Variants in BAIAP2L1 observed in about 807,000 individuals in gnomAD.
BAIAP2L1 encodes BAR/IMD domain containing adaptor protein 2 like 1, also known as BAR/IMD domain-containing adapter protein 2-like 1.
A neutral mutation model predicts 66.3 loss-of-function variants in BAIAP2L1; 35 were observed. The ratio of observed to expected loss-of-function variants is 0.53; its 90% confidence interval spans 0.40 to 0.70. The LOEUF is 0.70. Among genes scored for constraint, BAIAP2L1 ranks in the 30% least tolerant of loss-of-function variants. BAIAP2L1 has a pLI of 0.00. For synonymous variants in BAIAP2L1, 269 were observed against 248.7 expected, an observed-to-expected ratio of 1.08 and a Z score of -0.77; for missense variants, 622 against 656.9, an observed-to-expected ratio of 0.95 and a Z score of 0.58.
chr7:98,380,736 G>GTTT, intron 1 of BAIAP2L1, among the ~76,000 whole-genome samples: 1 of 115,192 alleles, frequency 8.7e-6, no homozygotes, highest in Non-Finnish European at 1.7e-5. Flanking sequence ...TATCCGGTCC[G>GTTT]TTTTTTTTTT....
At chr7:98,345,360 AC>A (rs754368189) in intron 3 of BAIAP2L1, among the ~76,000 whole-genome samples, 38 of 152,196 alleles carry the variant, frequency 2.5e-4, no homozygotes, top group Non-Finnish European at 4.9e-4. Flanking sequence ...ATAAAAAAAA[AC>A]ATAATTTAAA....
At chr7:98,361,202 CA>C (rs1802262684) in intron 2 of BAIAP2L1, among the ~76,000 whole-genome samples, 11 of 151,844 alleles carry the variant, frequency 7.2e-5, no homozygotes, top group Admixed American at 7.2e-4. Flanking sequence ...ACTAAAAATA[CA>C]AAAATTAGCT....
chr7:98,308,641 A>C, intron 9 of BAIAP2L1: 13 of 210,394 alleles, frequency 6.2e-5, no homozygotes, highest in South Asian at 1.6e-4. Context: ...TGATATTTCC[A>C]CTCCAGGGGA....
intron 1 of BAIAP2L1, among the ~76,000 whole-genome samples, chr7:98,369,298 C>T (rs997396102): frequency 6.6e-6 from 1 of 152,016 alleles, no homozygotes; most frequent in Non-Finnish European, 1.5e-5. Flanking sequence ...GCCTGGGCAA[C>T]GTGGTGAAAC....
At chr7:98,324,924 T>G (rs1801342572) in intron 3 of BAIAP2L1, among the ~76,000 whole-genome samples, 1 of 152,246 alleles carries the variant, frequency 6.6e-6, no homozygotes, top group African/African-American at 2.4e-5. Context: ...TATCTGATCA[T>G]GGATAATCAG....
At chr7:98,344,137 A>T (rs1439810649) in intron 3 of BAIAP2L1, among the ~76,000 whole-genome samples, 4 of 152,182 alleles carry the variant, frequency 2.6e-5, no homozygotes, top group Non-Finnish European at 5.9e-5. Flanking sequence ...AGATCGCGCC[A>T]CTGGCACTCC....
chr7:98,365,652 G>T (rs1476439729), intron 1 of BAIAP2L1, among the ~76,000 whole-genome samples: 1 of 152,056 alleles, frequency 6.6e-6, no homozygotes, highest in Non-Finnish European at 1.5e-5. Context: ...CTAATTTTTT[G>T]TATTTTTGGT....
intron 1 of BAIAP2L1, among the ~76,000 whole-genome samples, chr7:98,367,319 T>C (rs1461357249): frequency 6.6e-6 from 1 of 152,148 alleles, no homozygotes; most frequent in East Asian, 1.9e-4. Context: ...ACAGACCTTA[T>C]TTGGATTTTC....
At chr7:98,321,432 T>A (rs1322730446) in intron 3 of BAIAP2L1, among the ~76,000 whole-genome samples, 1 of 152,190 alleles carries the variant, frequency 6.6e-6, no homozygotes, top group Non-Finnish European at 1.5e-5. Flanking sequence ...TGCTCAGCCC[T>A]GCCTCTGCTG....
At chr7:98,335,313 TCA>T (rs1801593222) in intron 3 of BAIAP2L1, among the ~76,000 whole-genome samples, 1 of 122,776 alleles carries the variant, frequency 8.1e-6, no homozygotes, top group Non-Finnish European at 2.0e-5. Context: ...ATATTACATA[TCA>T]TACCCTGACA....
rs113263724 is a variant in BAIAP2L1, at chr7:98,378,838, T to G, written c.52-16406A>C. Among the ~76,000 whole-genome samples, 405 of 145,178 alleles carry G rather than the reference T, an allele frequency of 2.8e-3. 2 individuals are homozygous for G. The highest frequency in any genetic ancestry group is 9.7e-3 in the African/African-American group (385 of 39,892). The stretch of plus-strand genomic sequence containing the variant: ...GGAGGCCAAGGCAGAAGGCTCACTC[T>G]TTTTTTTTTTGAGATGGAGTCTCGC... On this transcript the variant is annotated intron_variant, in intron 1 of 13. Coordinates refer to ENST00000005260, the MANE Select transcript of BAIAP2L1 (RefSeq NM_018842.5).
At chr7:98,333,364 G>A (rs1364498344) in intron 3 of BAIAP2L1, among the ~76,000 whole-genome samples, 8 of 151,946 alleles carry the variant, frequency 5.3e-5, no homozygotes, top group Admixed American at 2.0e-4. Flanking sequence ...TTGGGAGGCC[G>A]AGGCAGGCGG....
intron 9 of BAIAP2L1, chr7:98,308,302 C>T (rs1484171960): frequency 2.2e-6 from 1 of 462,570 alleles, no homozygotes; most frequent in East Asian, 6.8e-5. Context: ...AACCCAACTG[C>T]CAATGTCCAC....
chr7:98,343,326 C>T (rs1187908145), intron 3 of BAIAP2L1, among the ~76,000 whole-genome samples: 2 of 151,136 alleles, frequency 1.3e-5, no homozygotes, highest in African/African-American at 2.4e-5. Flanking sequence ...TGGCAGGCGC[C>T]AGTAGTCCCA....
chr7:98,332,077 G>A (rs1801506619), intron 3 of BAIAP2L1, among the ~76,000 whole-genome samples: 1 of 151,892 alleles, frequency 6.6e-6, no homozygotes, highest in Non-Finnish European at 1.5e-5. Context: ...CGGAACTTTG[G>A]ATCTACATAA....
intron 9 of BAIAP2L1, chr7:98,308,341 T>C (rs768018807): frequency 1.3e-5 from 6 of 455,342 alleles, no homozygotes; most frequent in Non-Finnish European, 2.2e-5. Flanking sequence ...GGAAATGCAG[T>C]TGGTCTTGCC....
At chr7:98,313,037 CCT>C (rs1800928675) in intron 7 of BAIAP2L1, among the ~76,000 whole-genome samples, 1 of 152,214 alleles carries the variant, frequency 6.6e-6, no homozygotes, top group Admixed American at 6.5e-5. Flanking sequence ...TTTTACTCAG[CCT>C]CTGAGTTTAT....
intron 5 of BAIAP2L1, among the ~76,000 whole-genome samples, chr7:98,318,720 G>A (rs1011254656): frequency 2.0e-5 from 3 of 151,174 alleles, no homozygotes; most frequent in African/African-American, 7.3e-5. Flanking sequence ...CGAGGCAGGT[G>A]CACCACGAGG....
At chr7:98,320,383 T>A in intron 3 of BAIAP2L1, 85 bp from the exon 4 acceptor site, 1 of 1,087,630 alleles carries the variant, frequency 9.2e-7, no homozygotes, top group Non-Finnish European at 1.3e-6. Flanking sequence ...TCGCCCAGGC[T>A]GGAGTGCAAA....
Sources: gnomAD v4.1 joint callset for allele counts (sites outside exome capture counted in the v4.1 genomes callset) on GRCh38, gnomAD v4.1.1 for gene constraint, MANE v1.5 for transcripts, NCBI Gene and HGNC (gene_info 2026-07-23, HGNC 2026-07-21) for gene names.